Variants in CFAP300 observed in about 807,000 individuals in gnomAD.
The protein encoded by CFAP300 is cilia and flagella associated protein 300.
Under a neutral mutation model 33.0 loss-of-function variants are expected in CFAP300, and 32 were observed. The observed-to-expected ratio is 0.97, with a 90% CI of 0.73 to 1.30. The LOEUF (loss-of-function observed/expected upper bound fraction) is 1.30, where lower values mean the gene tolerates loss of function less well. Among genes scored for constraint, CFAP300 ranks in the 50% most tolerant of loss-of-function variants. The pLI is 0.00. For missense variants in CFAP300, 356 were observed against 318.1 expected (o/e 1.12, Z -0.90); for synonymous variants, 102 against 106.8 (o/e 0.95, Z 0.28).
intron 1 of CFAP300, 88 bp downstream of exon 1, chr11:102,047,668 T>G (rs1591311169): frequency 6.8e-7 from 1 of 1,460,144 alleles, no homozygotes. Flanking sequence ...CCCGCGCGGG[T>G]CGGCGCCATT....
chr11:102,076,334 T>C (rs912568584), intron 5 of CFAP300, among the ~76,000 whole-genome samples: 1 of 152,232 alleles, frequency 6.6e-6, no homozygotes, highest in Non-Finnish European at 1.5e-5. Flanking sequence ...CCTTCTTTTT[T>C]TCTTACCAAG....
chr11:102,081,694 C>T (rs1438360790), intron 6 of CFAP300, among the ~76,000 whole-genome samples: 1 of 151,974 alleles, frequency 6.6e-6, no homozygotes, highest in East Asian at 1.9e-4. Flanking sequence ...AGATCGAGAC[C>T]ATCCTGGCTA....
Position 102,084,184 on chromosome 11 carries a change from C to T in CFAP300, c.*985C>T, listed in dbSNP as rs1339994800. 6.6e-6 allele frequency: 1 copy of T among 152,140 alleles called. No homozygotes were observed. The highest frequency in any genetic ancestry group is 1.9e-4 in the East Asian group (1 of 5,196). 9.4% of individuals were successfully genotyped at this position (152,140 alleles called of 1,614,324 possible). ...GAAGCAGGTTATCTTAGTACTGTTCCTTATTTCATTCATAGAATGAATGTA... is the reference window on the plus strand; with the variant it reads ...GAAGCAGGTTATCTTAGTACTGTTCTTTATTTCATTCATAGAATGAATGTA... On this transcript the variant is annotated 3_prime_UTR_variant, in exon 7 of 7. Transcript: ENST00000434758.
chr11:102,065,174 T>G (rs1942204311), intron 3 of CFAP300, among the ~76,000 whole-genome samples: 1 of 152,106 alleles, frequency 6.6e-6, no homozygotes, highest in Non-Finnish European at 1.5e-5. Flanking sequence ...TGGCGTCATC[T>G]CGGCTTACTG....
intron 3 of CFAP300, among the ~76,000 whole-genome samples, chr11:102,060,580 G>A (rs1387010355): frequency 6.6e-6 from 1 of 150,732 alleles, no homozygotes; most frequent in Non-Finnish European, 1.5e-5. Flanking sequence ...GACTATTTTG[G>A]GGAAAAAAAA....
intron 2 of CFAP300, among the ~76,000 whole-genome samples, chr11:102,056,603 G>C (rs1172838735): frequency 6.6e-6 from 1 of 151,622 alleles, no homozygotes; most frequent in Non-Finnish European, 1.5e-5. Flanking sequence ...TTTTTTGTTT[G>C]TTTGTTTGTT....
intron 4 of CFAP300, among the ~76,000 whole-genome samples, chr11:102,071,455 G>A (rs1472336784): frequency 6.6e-6 from 1 of 152,120 alleles, no homozygotes; most frequent in Non-Finnish European, 1.5e-5. Flanking sequence ...TTATTGATAT[G>A]TGAGGACATA....
intron 3 of CFAP300, among the ~76,000 whole-genome samples, chr11:102,064,896 T>C (rs1049481947): frequency 1.3e-5 from 2 of 152,154 alleles, no homozygotes; most frequent in Non-Finnish European, 2.9e-5. Flanking sequence ...CATTCCTGAA[T>C]GATAAATTCA....
At chr11:102,071,743 GT>G (rs1270241980) in intron 4 of CFAP300, among the ~76,000 whole-genome samples, 5 of 152,014 alleles carry the variant, frequency 3.3e-5, no homozygotes, top group Non-Finnish European at 5.9e-5. Flanking sequence ...TTGGCTGCTA[GT>G]TTTTTTCTTT....
chr11:102,047,582 T>C lies in CFAP300; in HGVS notation c.110+2T>C. 1 of 1,535,648 alleles carries C rather than the reference T, an allele frequency of 6.5e-7. No individual in the cohort carries two copies. Among genetic ancestry groups the C allele is most frequent in the Non-Finnish European group, 8.7e-7 (1 of 1,146,500 alleles). On this transcript the variant is annotated splice_donor_variant, in intron 1 of 6. Coordinates refer to ENST00000434758, the MANE Select transcript of CFAP300 (RefSeq NM_032930.3). LOFTEE classifies it high-confidence loss of function. Reference sequence around the variant, plus strand: ...GATCACCAGCCGGCTCCGCCAGTGGTGAGGAACCGAGGCACAGGGAGAGAA... The same window carrying C: ...GATCACCAGCCGGCTCCGCCAGTGGCGAGGAACCGAGGCACAGGGAGAGAA...
rs149756132 is a variant in CFAP300, at chr11:102,055,354, C to T, written c.193-3526C>T. Among the ~76,000 whole-genome samples the T allele has an allele frequency of 8.0e-3, 699 of 87,732 alleles. 4 individuals are homozygous for T. The highest frequency in any genetic ancestry group is 0.029 in the African/African-American group (557 of 19,066). The allele number at this position is 87,732 out of a possible 152,430, so 57.6% of individuals were successfully genotyped here. Reference sequence around the variant, plus strand: ...AAGTTTTATTTTGTTTTACCACATGCGTTACTCTTTTTTTTTTTTTGAGAT... The same window carrying T: ...AAGTTTTATTTTGTTTTACCACATGTGTTACTCTTTTTTTTTTTTTGAGAT... On this transcript the variant is annotated intron_variant, in intron 2 of 6. Coordinates refer to ENST00000434758, the MANE Select transcript of CFAP300 (RefSeq NM_032930.3).
At chr11:102,054,287 G>A (rs1352634539) in intron 2 of CFAP300, among the ~76,000 whole-genome samples, 3 of 152,112 alleles carry the variant, frequency 2.0e-5, no homozygotes, top group Admixed American at 2.0e-4. Context: ...GCGCTTTTTT[G>A]TAGTATACAT....
At chr11:102,056,016 A>C (rs1002720166) in intron 2 of CFAP300, among the ~76,000 whole-genome samples, 5 of 152,142 alleles carry the variant, frequency 3.3e-5, no homozygotes, top group African/African-American at 1.2e-4. Flanking sequence ...TTTCCTCAAA[A>C]TCAATACATA....
chr11:102,071,500 G>A (rs1942312334), intron 4 of CFAP300, among the ~76,000 whole-genome samples: 2 of 152,044 alleles, frequency 1.3e-5, no homozygotes, highest in East Asian at 1.9e-4. Flanking sequence ...TGGTTATTTT[G>A]TATATCTTTT....
rs757687821 is a variant in CFAP300, at chr11:102,047,876, C to T, written c.172C>T (p.Arg58Trp). The change falls in exon 2 of 7, where the codon CGG becomes TGG. Residue 58 changes from arginine (R) to tryptophan (W), a missense_variant. Coordinates refer to ENST00000434758, the MANE Select transcript of CFAP300 (RefSeq NM_032930.3). ...FGFDQTFQSY[R>W]KDDFVMAFFK... Reference sequence around the variant, plus strand: ...CTTTGACCAGACCTTTCAGTCCTATCGGAAGGATGATTTCGTTATGGTTAG... The same window carrying T: ...CTTTGACCAGACCTTTCAGTCCTATTGGAAGGATGATTTCGTTATGGTTAG... 2.5e-5 allele frequency: 40 copies of T among 1,614,160 alleles called. 1 individual carries two copies. In the South Asian group the frequency reaches 4.1e-4, roughly 16 times the overall value.
intron 2 of CFAP300, among the ~76,000 whole-genome samples, chr11:102,053,096 G>A (rs1306889214): frequency 6.6e-6 from 1 of 152,050 alleles, no homozygotes; most frequent in Non-Finnish European, 1.5e-5. Context: ...GGCCATGGTG[G>A]CAGGTGCCTG....
intron 4 of CFAP300, among the ~76,000 whole-genome samples, chr11:102,069,486 T>A (rs971603235): frequency 5.9e-5 from 9 of 152,170 alleles, no homozygotes; most frequent in Non-Finnish European, 1.3e-4. Flanking sequence ...AAAAAATTTT[T>A]AAAAATTATT....
chr11:102,083,088 C>G lies in CFAP300; in HGVS notation c.693C>G (p.Cys231Trp). The G allele has an allele frequency of 6.6e-7, 1 of 1,514,408 alleles. No homozygotes were observed. The highest frequency in any genetic ancestry group is 8.9e-7 in the Non-Finnish European group (1 of 1,128,384). 93.8% of individuals were successfully genotyped at this position (1,514,408 alleles called of 1,614,324 possible). ...TTTTTCAGGATTCTGCTGGTATGTG[C>G]TATCCTTCAGCAAAGAATCATGAAC... ...KVSAYDSAGM[C>W]YPSAKNHEQT... Residue 231 changes from cysteine to tryptophan, a missense_variant, in exon 7 of 7, where the codon TGC becomes TGG. Physicochemically the swap from Cys to Trp is radical, Grantham distance 215 (BLOSUM62 -2). Coordinates refer to ENST00000434758, the MANE Select transcript of CFAP300 (RefSeq NM_032930.3).
intron 3 of CFAP300, among the ~76,000 whole-genome samples, chr11:102,065,816 A>C (rs1942215494): frequency 6.6e-6 from 1 of 152,146 alleles, no homozygotes; most frequent in African/African-American, 2.4e-5. Context: ...ATAGGAATAA[A>C]AAATCATACG....
Sources: gnomAD v4.1 joint callset for allele counts (sites outside exome capture counted in the v4.1 genomes callset) on GRCh38, gnomAD v4.1.1 for gene constraint, MANE v1.5 for transcripts, NCBI Gene and HGNC (gene_info 2026-07-23, HGNC 2026-07-21) for gene names.